Variants in OXSR1 observed in about 807,000 individuals in gnomAD.
The protein encoded by OXSR1 is serine/threonine-protein kinase OSR1.
Under a neutral mutation model 79.8 loss-of-function variants are expected in OXSR1, and 24 were observed. That is an observed-to-expected ratio of 0.30 (90% CI 0.22 to 0.42). The LOEUF is 0.42. Ranked by LOEUF, OXSR1 falls within the 10% of genes least tolerant of loss-of-function variation. The pLI, the probability that OXSR1 is intolerant of heterozygous loss-of-function variation, is 1.00. For missense variants in OXSR1, 430 were observed against 618.4 expected (o/e 0.70, Z 3.23); for synonymous variants, 226 against 209.2 (o/e 1.08, Z -0.69).
At chr3:38,252,019 C>T (rs1001771974) in intron 16 of OXSR1, among the ~76,000 whole-genome samples, 2 of 152,222 alleles carry the variant, frequency 1.3e-5, no homozygotes, top group Non-Finnish European at 1.5e-5. Flanking sequence ...AGACCACAGG[C>T]TGGTTTGTTG....
At chr3:38,244,544 C>G (rs767563308) in intron 12 of OXSR1, among the ~76,000 whole-genome samples, 2 of 151,822 alleles carry the variant, frequency 1.3e-5, no homozygotes, top group South Asian at 4.2e-4. Flanking sequence ...ATTTTGTGAC[C>G]GGCCTATTTC....
chr3:38,207,946 T>A (rs915825081), intron 4 of OXSR1, among the ~76,000 whole-genome samples: 1 of 126,064 alleles, frequency 7.9e-6, no homozygotes, highest in Non-Finnish European at 1.6e-5. Context: ...CTTCCTTCCT[T>A]CCTTCCTTCC....
intron 2 of OXSR1, among the ~76,000 whole-genome samples, 179 bp downstream of exon 2, chr3:38,183,294 A>C (rs1225804793): frequency 1.3e-5 from 2 of 152,258 alleles, no homozygotes; most frequent in Non-Finnish European, 2.9e-5. Flanking sequence ...AATTAGTTAT[A>C]ATATTCTTAC....
chr3:38,233,316 A>G (rs1455594459), intron 10 of OXSR1, among the ~76,000 whole-genome samples: 1 of 152,216 alleles, frequency 6.6e-6, no homozygotes, highest in African/African-American at 2.4e-5. Flanking sequence ...AAAAATCCTT[A>G]TTTGATCAAT....
rs750413522 is a variant in OXSR1, at chr3:38,190,771, T to C, written c.224T>C (p.Ile75Thr). 6 of 1,608,628 alleles carry C rather than the reference T, an allele frequency of 3.7e-6. No homozygotes were observed. The highest frequency in any genetic ancestry group is 5.1e-6 in the Non-Finnish European group (6 of 1,175,186). The change falls in exon 3 of 18, where the codon ATT (isoleucine) becomes ACT (threonine). Residue 75 changes from isoleucine to threonine, a missense_variant. Ile to Thr is a moderately conservative substitution (Grantham distance 89). This residue lies in a region of OXSR1 where 145 missense variants were observed against 228.3 expected (regional missense o/e 0.64). Coordinates refer to ENST00000311806, the MANE Select transcript of OXSR1 (RefSeq NM_005109.3). ...ATGAGTCAATGCCATCATCCTAATA[T>C]TGTATCTTACTACACATCTTTTGTG... ...QAMSQCHHPN[I>T]VSYYTSFVVK... is the part of the protein sequence containing the mutation.
chr3:38,204,874 A>G (rs778267565), intron 4 of OXSR1, among the ~76,000 whole-genome samples: 1 of 151,882 alleles, frequency 6.6e-6, no homozygotes, highest in Admixed American at 6.6e-5. Context: ...AGTCCAGTAC[A>G]GCACCAGAAC....
At chr3:38,175,624 T>C (rs1701663069) in intron 1 of OXSR1, among the ~76,000 whole-genome samples, 1 of 152,210 alleles carries the variant, frequency 6.6e-6, no homozygotes, top group Admixed American at 6.5e-5. Context: ...CTTAAATTTC[T>C]AAGTTTAGTA....
intron 8 of OXSR1, among the ~76,000 whole-genome samples, chr3:38,228,753 T>A (rs969373425): frequency 5.9e-5 from 9 of 152,166 alleles, no homozygotes; most frequent in African/African-American, 1.9e-4. Flanking sequence ...GTGGTTTTTT[T>A]AGCAGAGACT....
In OXSR1 at chr3:38,251,411, G is replaced by A. The variant is rs1374173557; in HGVS notation, c.1384G>A (p.Glu462Lys). 6.2e-7 allele frequency: 1 copy of A among 1,613,234 alleles called. No homozygotes were observed. ...FEFTPGRDTA[E>K]GVSQELISAG... ...CTTCTTTGTCCTTGCAGATACAGCA[G>A]AGGGTGTCTCTCAGGAACTCATTTC... Residue 462 changes from glutamate to lysine, a missense_variant, in exon 16 of 18, where the codon GAG becomes AAG. Coordinates refer to ENST00000311806, the MANE Select transcript of OXSR1 (RefSeq NM_005109.3).
intron 3 of OXSR1, among the ~76,000 whole-genome samples, chr3:38,193,613 CTTTTTTTTTT>C (rs35335075): frequency 5.3e-5 from 7 of 131,554 alleles, no homozygotes; most frequent in African/African-American, 2.0e-4. Flanking sequence ...AGCAGAACGA[CTTTTTTTTTT>C]TTTTTTTTAA....
At chr3:38,194,083 C>G (rs903250591) in intron 3 of OXSR1, among the ~76,000 whole-genome samples, 9 of 152,068 alleles carry the variant, frequency 5.9e-5, no homozygotes, top group Admixed American at 3.3e-4. Flanking sequence ...AAATGCCATT[C>G]ATCAAATACT....
At chr3:38,199,067 A>G (rs1171018663) in intron 4 of OXSR1, among the ~76,000 whole-genome samples, 2 of 152,230 alleles carry the variant, frequency 1.3e-5, no homozygotes, top group East Asian at 3.8e-4. Flanking sequence ...GGAAAAATTC[A>G]TAATTTCGTA....
At chr3:38,249,581 T>C (rs979452063) in intron 14 of OXSR1, among the ~76,000 whole-genome samples, 8 of 152,158 alleles carry the variant, frequency 5.3e-5, no homozygotes, top group African/African-American at 1.9e-4. Flanking sequence ...ATTGTGGGCA[T>C]GTAGGAGTGG....
At position 38,217,539 on chromosome 3, in the gene OXSR1, G is replaced by T. The variant is rs1020617458; in HGVS notation, c.490+1388G>T. On this transcript the variant is annotated intron_variant, in intron 5 of 17. Coordinates refer to ENST00000311806, the MANE Select transcript of OXSR1 (RefSeq NM_005109.3). ...TTTTTGTTTGTTTGTTTGTTTGTTT[G>T]TTTTTTTTGAGACAGTCTCGCTCTG... Among the ~76,000 whole-genome samples, 18 of 151,900 alleles carry T rather than the reference G, an allele frequency of 1.2e-4. No homozygotes were observed. The South Asian group carries it at 1.5e-3, about 12-fold the overall frequency.
At chr3:38,180,525 CTTTTT>C (rs35081111) in intron 1 of OXSR1, among the ~76,000 whole-genome samples, 1 of 108,960 alleles carries the variant, frequency 9.2e-6, no homozygotes. Context: ...ATAGCTCCAA[CTTTTT>C]TTTTTTTTTT....
chr3:38,224,398 C>T (rs184689509), intron 7 of OXSR1, among the ~76,000 whole-genome samples, 173 bp from the exon 8 acceptor site: 2 of 152,242 alleles, frequency 1.3e-5, no homozygotes, highest in East Asian at 1.9e-4. Context: ...AGATTATTTA[C>T]GTGAAATACA....
chr3:38,180,451 G>C (rs1215240616), intron 1 of OXSR1, among the ~76,000 whole-genome samples: 1 of 147,062 alleles, frequency 6.8e-6, no homozygotes, highest in African/African-American at 2.5e-5. Context: ...CCCTTAGTAT[G>C]TTTTCATAAT....
At chr3:38,168,974 A>G (rs1472548222) in intron 1 of OXSR1, among the ~76,000 whole-genome samples, 1 of 152,236 alleles carries the variant, frequency 6.6e-6, no homozygotes. Flanking sequence ...TCTTGGATGT[A>G]TACCCAGGAG....
intron 1 of OXSR1, among the ~76,000 whole-genome samples, 167 bp downstream of exon 1, chr3:38,166,113 C>T (rs1701447852): frequency 7.4e-6 from 1 of 134,826 alleles, no homozygotes; most frequent in Non-Finnish European, 1.6e-5. Flanking sequence ...GCGTGTGAGA[C>T]GGGAAGGGGG....
Sources: allele counts gnomAD v4.1 joint callset (sites outside exome capture counted in the v4.1 genomes callset), GRCh38; gene constraint gnomAD v4.1.1; regional missense constraint gnomAD v4.1.1; transcripts MANE v1.5; gene names NCBI Gene and HGNC (gene_info 2026-07-23, HGNC 2026-07-21).